Variants in ZNF804A observed in about 807,000 individuals in gnomAD.
ZNF804A encodes the protein zinc finger protein 804A.
A neutral mutation model predicts 16.5 loss-of-function variants in ZNF804A; 2 were observed. That is an observed-to-expected ratio of 0.12 (90% CI 0.05 to 0.38). The LOEUF is 0.38. ZNF804A is among the 10% of genes least tolerant of loss of function. The pLI is 0.99. For missense variants in ZNF804A, 1,473 were observed against 1,390.7 expected (o/e 1.06, Z -0.94); for synonymous variants, 534 against 489.6 (o/e 1.09, Z -1.20).
At chr2:184,854,739 T>C (rs934512827) in intron 1 of ZNF804A, among the ~76,000 whole-genome samples, 1 of 152,014 alleles carries the variant, frequency 6.6e-6, no homozygotes, top group Non-Finnish European at 1.5e-5. Flanking sequence ...AAGTTAATGA[T>C]AAATAGTAAA....
chr2:184,630,431 C>T (rs578180911), intron 1 of ZNF804A, among the ~76,000 whole-genome samples: 5 of 152,132 alleles, frequency 3.3e-5, no homozygotes, highest in Middle Eastern at 3.4e-3. Context: ...ACAAGAACAC[C>T]TCAATGCCAA....
chr2:184,721,607 G>A (rs1380649784), intron 1 of ZNF804A, among the ~76,000 whole-genome samples: 1 of 152,058 alleles, frequency 6.6e-6, no homozygotes, highest in Non-Finnish European at 1.5e-5. Context: ...AGGATGTGGA[G>A]AAAAGGGAAC....
At chr2:184,674,853 T>C (rs900571928) in intron 1 of ZNF804A, among the ~76,000 whole-genome samples, 3 of 151,846 alleles carry the variant, frequency 2.0e-5, no homozygotes, top group South Asian at 2.1e-4. Context: ...TAAAATTCCA[T>C]GTCAACAACT....
chr2:184,638,842 A>G (rs1197009280), intron 1 of ZNF804A, among the ~76,000 whole-genome samples: 1 of 152,186 alleles, frequency 6.6e-6, no homozygotes, highest in Non-Finnish European at 1.5e-5. Flanking sequence ...TCCAAAGGCT[A>G]CATGCTCACA....
At chr2:184,856,363 T>C (rs553999647) in intron 1 of ZNF804A, among the ~76,000 whole-genome samples, 1 of 151,752 alleles carries the variant, frequency 6.6e-6, no homozygotes, top group Non-Finnish European at 1.5e-5. Flanking sequence ...AAAAAAAAAA[T>C]GATGTACAGT....
intron 1 of ZNF804A, among the ~76,000 whole-genome samples, chr2:184,747,486 A>G (rs1256190452): frequency 3.3e-5 from 5 of 151,086 alleles, no homozygotes; most frequent in Non-Finnish European, 7.4e-5. Context: ...TATGTTTTAC[A>G]TACAAAATAA....
Position 184,935,932 on chromosome 2 carries a change from A to G in ZNF804A, c.536A>G (p.Asp179Gly), listed in dbSNP as rs1202409243. The change falls in exon 4 of 4, where the codon GAT (aspartate) becomes GGT (glycine). Residue 179 changes from aspartate (D) to glycine (G), a missense_variant. Physicochemically the swap from Asp to Gly is moderately conservative, Grantham distance 94. Transcript: ENST00000302277. ...ATTCATAGTGAAGAGAATACTAAAG[A>G]TGCTACCACTGTTGCTGAAGATCCA... ...TLIHSEENTKDATTVAEDPES... is the reference protein window; with the variant it reads ...TLIHSEENTKGATTVAEDPES... 6.2e-7 allele frequency: 1 copy of G among 1,613,982 alleles called. No individual in the cohort carries two copies. The highest frequency in any genetic ancestry group is 1.1e-5 in the South Asian group (1 of 91,082).
At chr2:184,916,182 T>C (rs1228878378) in intron 2 of ZNF804A, among the ~76,000 whole-genome samples, 1 of 152,114 alleles carries the variant, frequency 6.6e-6, no homozygotes, top group Non-Finnish European at 1.5e-5. Flanking sequence ...TCTCTGGAAT[T>C]CAAAGGAAGC....
At chr2:184,804,208 C>T (rs1694767400) in intron 1 of ZNF804A, among the ~76,000 whole-genome samples, 1 of 152,050 alleles carries the variant, frequency 6.6e-6, no homozygotes, top group Admixed American at 6.6e-5. Flanking sequence ...ATTTAGAATT[C>T]ACTCGGGTAA....
intron 1 of ZNF804A, among the ~76,000 whole-genome samples, chr2:184,653,495 T>C (rs1692022239): frequency 6.6e-6 from 1 of 152,148 alleles, no homozygotes; most frequent in African/African-American, 2.4e-5. Context: ...AGGTTGGAAG[T>C]TCATTAAAAA....
chr2:184,676,278 A>G (rs992746016), intron 1 of ZNF804A, among the ~76,000 whole-genome samples: 1 of 147,730 alleles, frequency 6.8e-6, no homozygotes, highest in Non-Finnish European at 1.5e-5. Flanking sequence ...TAGCTAGGAT[A>G]TAGATATCTT....
intron 1 of ZNF804A, among the ~76,000 whole-genome samples, chr2:184,709,726 T>C (rs1189347083): frequency 1.3e-5 from 2 of 151,194 alleles, no homozygotes; most frequent in Non-Finnish European, 3.0e-5. Flanking sequence ...CATATACTTT[T>C]TTAAAAAACA....
At chr2:184,702,184 C>G (rs1473472841) in intron 1 of ZNF804A, among the ~76,000 whole-genome samples, 1 of 151,950 alleles carries the variant, frequency 6.6e-6, no homozygotes, top group East Asian at 1.9e-4. Context: ...CTAATATATG[C>G]TAATTGTATC....
intron 1 of ZNF804A, among the ~76,000 whole-genome samples, chr2:184,767,229 T>C (rs1299071850): frequency 6.6e-6 from 1 of 152,082 alleles, no homozygotes; most frequent in African/African-American, 2.4e-5. Flanking sequence ...CAGATAGACA[T>C]AATGGAGTAT....
chr2:184,700,441 A>C (rs904184385), intron 1 of ZNF804A, among the ~76,000 whole-genome samples: 1 of 152,072 alleles, frequency 6.6e-6, no homozygotes, highest in African/African-American at 2.4e-5. Flanking sequence ...GTCATAACCA[A>C]ATACTAAGAA....
At chr2:184,837,330 C>G (rs1489122136) in intron 1 of ZNF804A, among the ~76,000 whole-genome samples, 1 of 151,972 alleles carries the variant, frequency 6.6e-6, no homozygotes, top group African/African-American at 2.4e-5. Context: ...ATTTAGCCCC[C>G]AAATTATGGC....
At chr2:184,703,822 TA>T (rs879881418) in intron 1 of ZNF804A, among the ~76,000 whole-genome samples, 1 of 152,036 alleles carries the variant, frequency 6.6e-6, no homozygotes, top group East Asian at 1.9e-4. Flanking sequence ...ATTTAACTTA[TA>T]AAAAAAGTGA....
At chr2:184,612,175 A>G (rs1242018052) in intron 1 of ZNF804A, among the ~76,000 whole-genome samples, 1 of 152,228 alleles carries the variant, frequency 6.6e-6, no homozygotes, top group Non-Finnish European at 1.5e-5. Flanking sequence ...AATACCAAAA[A>G]TATGAAATAA....
intron 1 of ZNF804A, among the ~76,000 whole-genome samples, chr2:184,857,031 T>C (rs866651061): frequency 1.6e-4 from 25 of 152,122 alleles, no homozygotes; most frequent in African/African-American, 5.3e-4. Flanking sequence ...AGCTTGATCT[T>C]CTTTTTCTAG....
Sources: allele counts gnomAD v4.1 joint callset (sites outside exome capture counted in the v4.1 genomes callset), GRCh38; gene constraint gnomAD v4.1.1; transcripts MANE v1.5; gene names NCBI Gene and HGNC (gene_info 2026-07-23, HGNC 2026-07-21).